The following CUX2 variants were observed in gnomAD, a reference collection of about 807,000 sequenced individuals.
CUX2 encodes the protein cut like homeobox 2.
CUX2 carries 40 observed loss-of-function variants against 144.8 expected under a neutral mutation model. That is an observed-to-expected ratio of 0.28 (90% CI 0.21 to 0.36). The LOEUF is 0.36. CUX2 is among the 10% of genes least tolerant of loss of function. The probability of loss-of-function intolerance (pLI) is 1.00; values close to 1 mark genes in which losing one functional copy is unlikely to be tolerated. For synonymous variants in CUX2, 827 were observed against 875.6 expected, an observed-to-expected ratio of 0.94 and a Z score of 0.98; for missense variants, 1,615 against 1,994.0, an observed-to-expected ratio of 0.81 and a Z score of 3.62.
At chr12:111,102,737 C>T (rs1399958625) in intron 1 of CUX2, among the ~76,000 whole-genome samples, 2 of 152,066 alleles carry the variant, frequency 1.3e-5, no homozygotes, top group East Asian at 1.9e-4. Context: ...TTCCAGTTGC[C>T]GAGTGACTTC....
intron 2 of CUX2, among the ~76,000 whole-genome samples, chr12:111,217,234 G>A (rs3809287): frequency 2.6e-5 from 4 of 152,188 alleles, no homozygotes; most frequent in East Asian, 1.9e-4. Context: ...GACAGCCCAC[G>A]TCCATAGAGT....
At chr12:111,199,085 G>A (rs1182813850) in intron 1 of CUX2, among the ~76,000 whole-genome samples, 6 of 152,184 alleles carry the variant, frequency 3.9e-5, no homozygotes, top group East Asian at 1.9e-4. Context: ...AGGAGGCCTC[G>A]GAAATAATCC....
chr12:111,073,150 T>A (rs76648260), intron 1 of CUX2, among the ~76,000 whole-genome samples: 2,192 of 152,188 alleles, frequency 0.014, 77 homozygotes, highest in African/African-American at 0.05. Flanking sequence ...TCCCTGGCCC[T>A]CTTAGAGGCT....
intron 3 of CUX2, among the ~76,000 whole-genome samples, chr12:111,252,341 G>T (rs1883600291): frequency 6.6e-6 from 1 of 152,226 alleles, no homozygotes; most frequent in Non-Finnish European, 1.5e-5. Context: ...ACTGCCCAAG[G>T]TGAATGGGGA....
chr12:111,058,691 G>T (rs1171281311), intron 1 of CUX2, among the ~76,000 whole-genome samples: 2 of 152,162 alleles, frequency 1.3e-5, no homozygotes, highest in Non-Finnish European at 2.9e-5. Flanking sequence ...GCAGATAGTG[G>T]TGTTACAGGA....
chr12:111,090,211 A>G lies in CUX2; in HGVS notation c.63+55971A>G, dbSNP rs558979871. On this transcript the variant is annotated intron_variant, in intron 1 of 21. Coordinates refer to ENST00000261726, the MANE Select transcript of CUX2 (RefSeq NM_015267.4). Reference sequence around the variant, plus strand: ...AGCTCTCCGTGGGGCCAGATGAGGGAGCATCTCAGGTGAGCGAGGTTTCTG... The same window carrying G: ...AGCTCTCCGTGGGGCCAGATGAGGGGGCATCTCAGGTGAGCGAGGTTTCTG... Among the ~76,000 whole-genome samples, 510 of 152,254 alleles carry G rather than the reference A, an allele frequency of 3.3e-3. 4 individuals carry two copies. Among genetic ancestry groups the G allele is most frequent in the Non-Finnish European group, 6.0e-3 (411 of 68,010 alleles).
intron 3 of CUX2, among the ~76,000 whole-genome samples, chr12:111,262,893 C>G (rs1027898282): frequency 3.3e-5 from 5 of 152,208 alleles, no homozygotes. Context: ...CCAGTCTACC[C>G]TTTACTAATA....
intron 1 of CUX2, among the ~76,000 whole-genome samples, chr12:111,150,264 A>G (rs1876951407): frequency 6.6e-6 from 1 of 152,190 alleles, no homozygotes; most frequent in African/African-American, 2.4e-5. Flanking sequence ...GAATGAGCAT[A>G]TATTAACTTG....
At chr12:111,099,408 G>A (rs534888279) in intron 1 of CUX2, 8 of 382,168 alleles carry the variant, frequency 2.1e-5, no homozygotes, top group African/African-American at 4.2e-5. Flanking sequence ...TTCTTAAACC[G>A]TTATGTGGTT....
chr12:111,078,924 C>A (rs543770511), intron 1 of CUX2, among the ~76,000 whole-genome samples: 1 of 152,140 alleles, frequency 6.6e-6, no homozygotes, highest in Non-Finnish European at 1.5e-5. Context: ...AGGAGTCGTG[C>A]GTGGGAACAC....
intron 1 of CUX2, among the ~76,000 whole-genome samples, chr12:111,170,545 CTTTTTTTTTTTTTTTTTT>C (rs34282526): frequency 1.3e-5 from 1 of 79,940 alleles, no homozygotes. Flanking sequence ...CCCAGCTCTT[CTTTTTTTTTTTTTTTTTT>C]TTTTTTTTGA....
At chr12:111,054,751 T>C (rs1441034761) in intron 1 of CUX2, among the ~76,000 whole-genome samples, 1 of 152,110 alleles carries the variant, frequency 6.6e-6, no homozygotes, top group Non-Finnish European at 1.5e-5. Context: ...ATCAGCCTCC[T>C]GAGTAGCTAG....
At chr12:111,042,134 A>G (rs568039063) in intron 1 of CUX2, among the ~76,000 whole-genome samples, 1 of 152,376 alleles carries the variant, frequency 6.6e-6, no homozygotes, top group African/African-American at 2.4e-5. Flanking sequence ...TCGTCTGCCC[A>G]GAGACGCTGG....
In CUX2 at chr12:111,127,041, A is replaced by G. The variant is rs534763735; in HGVS notation, c.64-87159A>G. On this transcript the variant is annotated intron_variant, in intron 1 of 21. Transcript: ENST00000261726. ...ATTCAAGTACCGTAATATAAAGTCA[A>G]TATATCTTATGTTACCTAATAAGGG... Among the ~76,000 whole-genome samples, 18 of 152,378 alleles carry G rather than the reference A, an allele frequency of 1.2e-4. No homozygotes were observed. The South Asian group carries it at 2.7e-3, about 23-fold the overall frequency.
chr12:111,337,454 A>C (rs953551910), intron 19 of CUX2, among the ~76,000 whole-genome samples: 2 of 152,010 alleles, frequency 1.3e-5, no homozygotes, highest in African/African-American at 4.8e-5. Context: ...TCACCACTGG[A>C]GAGTGTTTCA....
At chr12:111,301,633 T>G (rs547819411) in intron 9 of CUX2, among the ~76,000 whole-genome samples, 1 of 152,250 alleles carries the variant, frequency 6.6e-6, no homozygotes, top group South Asian at 2.1e-4. Flanking sequence ...TCCTCCCAAG[T>G]AGCAAGGACT....
At chr12:111,303,213 C>T (rs1401167241) in intron 9 of CUX2, among the ~76,000 whole-genome samples, 16 of 126,502 alleles carry the variant, frequency 1.3e-4, no homozygotes, top group East Asian at 7.3e-4. Context: ...AGAGCGAGAC[C>T]CTGTCTCGAA....
At chr12:111,260,482 T>C (rs908446325) in intron 3 of CUX2, among the ~76,000 whole-genome samples, 4 of 151,992 alleles carry the variant, frequency 2.6e-5, no homozygotes, top group Non-Finnish European at 5.9e-5. Context: ...AAAAAAAGTA[T>C]TGGGGTATTT....
chr12:111,069,856 A>G (rs1871186690), intron 1 of CUX2, among the ~76,000 whole-genome samples: 1 of 152,132 alleles, frequency 6.6e-6, no homozygotes, highest in African/African-American at 2.4e-5. Context: ...TTAGGACTTC[A>G]GTTGGGGAGG....
Sources: gnomAD v4.1 joint callset for allele counts (sites outside exome capture counted in the v4.1 genomes callset) on GRCh38, gnomAD v4.1.1 for gene constraint, MANE v1.5 for transcripts, NCBI Gene and HGNC (gene_info 2026-07-23, HGNC 2026-07-21) for gene names.